The following RAB11FIP3 variants were observed in gnomAD, a reference collection of about 807,000 sequenced individuals.
RAB11FIP3 encodes RAB11 family interacting protein 3, also known as rab11 family-interacting protein 3.
Under a neutral mutation model 77.8 loss-of-function variants are expected in RAB11FIP3, and 17 were observed. That is an observed-to-expected ratio of 0.22 (90% CI 0.15 to 0.33). RAB11FIP3 has a LOEUF of 0.33. Ranked by LOEUF, RAB11FIP3 falls within the 10% of genes least tolerant of loss-of-function variation. RAB11FIP3 has a pLI of 1.00. For synonymous variants in RAB11FIP3, 437 were observed against 448.2 expected (o/e 0.98, Z 0.31); for missense variants, 1,005 against 1,011.2 (o/e 0.99, Z 0.08).
chr16:508,986 C>T (rs1180195655), intron 8 of RAB11FIP3, among the ~76,000 whole-genome samples: 1 of 151,900 alleles, frequency 6.6e-6, no homozygotes, highest in Non-Finnish European at 1.5e-5. Flanking sequence ...TCAGTGCAAC[C>T]TCTGCCTCCT....
intron 5 of RAB11FIP3, among the ~76,000 whole-genome samples, chr16:489,878 G>A (rs1042237208): frequency 1.3e-5 from 2 of 152,216 alleles, no homozygotes; most frequent in Non-Finnish European, 2.9e-5. Flanking sequence ...GACCCTGCAC[G>A]GATATCCTGT....
chr16:481,132 A>C (rs1191076775), intron 3 of RAB11FIP3, among the ~76,000 whole-genome samples: 1 of 144,474 alleles, frequency 6.9e-6, no homozygotes, highest in Non-Finnish European at 1.5e-5. Context: ...TTAATTAATT[A>C]ATTTTTTTGA....
chr16:475,533 G>A (rs1248855015), intron 3 of RAB11FIP3, among the ~76,000 whole-genome samples: 1 of 152,200 alleles, frequency 6.6e-6, no homozygotes, highest in Non-Finnish European at 1.5e-5. Flanking sequence ...TGGAAAGGCA[G>A]GTGATGGCTG....
chr16:478,904 G>A (rs762359148), intron 3 of RAB11FIP3, among the ~76,000 whole-genome samples: 4 of 152,214 alleles, frequency 2.6e-5, no homozygotes, highest in Non-Finnish European at 4.4e-5. Flanking sequence ...GGCAGAGGTT[G>A]CAGTGAGCTG....
At chr16:517,142 T>C (rs2032452141) in intron 9 of RAB11FIP3, among the ~76,000 whole-genome samples, 1 of 152,212 alleles carries the variant, frequency 6.6e-6, no homozygotes, top group African/African-American at 2.4e-5. Context: ...CCCAGTCTAA[T>C]TGCGAGAAAA....
chr16:473,986 G>A (rs542332557), intron 3 of RAB11FIP3, among the ~76,000 whole-genome samples: 17 of 152,232 alleles, frequency 1.1e-4, no homozygotes, highest in South Asian at 6.2e-4. Flanking sequence ...TAGTGAATAC[G>A]CAGTTACCTC....
At chr16:519,527 G>A (rs2032572758) in intron 10 of RAB11FIP3, among the ~76,000 whole-genome samples, 1 of 152,256 alleles carries the variant, frequency 6.6e-6, no homozygotes, top group African/African-American at 2.4e-5. Context: ...TGCCCCTCGT[G>A]AGAAACGGCC....
At chr16:427,217 G>T (rs1166395651) in intron 1 of RAB11FIP3, among the ~76,000 whole-genome samples, 1 of 152,262 alleles carries the variant, frequency 6.6e-6, no homozygotes, top group Admixed American at 6.5e-5. Flanking sequence ...TTACTTTACT[G>T]TGTGTGGTTG....
chr16:496,175 A>G (rs1380115093), intron 5 of RAB11FIP3, among the ~76,000 whole-genome samples: 1 of 152,186 alleles, frequency 6.6e-6, no homozygotes. Flanking sequence ...CCCAGGGGTG[A>G]GGGTGTCTTC....
chr16:433,437 A>G (rs1431399613), intron 1 of RAB11FIP3, among the ~76,000 whole-genome samples: 5 of 151,724 alleles, frequency 3.3e-5, no homozygotes, highest in Admixed American at 1.3e-4. Flanking sequence ...TAGCTCCCAC[A>G]TAAGAGTAAA....
In RAB11FIP3 at chr16:497,298, A is replaced by G. The variant is rs1307219822; in HGVS notation, c.1301+439A>G. ...CCATTTCTTCATTTTCCAGCTTCGT[A>G]TAGATCTGTTGGCTTCCTGCTGTGA... On this transcript the variant is annotated intron_variant, in intron 6 of 13. Transcript: ENST00000262305. The G allele has an allele frequency of 3.1e-6, 4 of 1,304,310 alleles. No individual in the cohort carries two copies. In the East Asian group the frequency reaches 2.2e-4, roughly 72 times the overall value. 80.8% of individuals were successfully genotyped at this position (1,304,310 alleles called of 1,614,324 possible). A position where few individuals can be genotyped will look rare whatever the true frequency, so the allele number is the denominator to read the frequency against.
At chr16:466,207 T>C (rs563705571) in intron 2 of RAB11FIP3, among the ~76,000 whole-genome samples, 2 of 152,246 alleles carry the variant, frequency 1.3e-5, no homozygotes, top group South Asian at 4.1e-4. Context: ...TGGAGATGTG[T>C]TCCCTCGGGA....
chr16:502,717 C>T, intron 6 of RAB11FIP3: 1 of 501,546 alleles, frequency 2.0e-6, no homozygotes, highest in Non-Finnish European at 3.5e-6. Context: ...CACTCGCTGG[C>T]TGGGACTGAG....
At chr16:473,591 C>T (rs992228264) in intron 3 of RAB11FIP3, among the ~76,000 whole-genome samples, 5 of 141,448 alleles carry the variant, frequency 3.5e-5, no homozygotes, top group Admixed American at 7.1e-5. Flanking sequence ...GTAACCACCA[C>T]GCCCAGCTGA....
At position 426,575 on chromosome 16, in the gene RAB11FIP3, C is replaced by T. The variant is rs547222826; in HGVS notation, c.569C>T (p.Thr190Ile). The T allele has an allele frequency of 1.3e-6, 2 of 1,595,982 alleles. No homozygotes were observed. Among genetic ancestry groups the T allele is most frequent in the East Asian group, 2.3e-5 (1 of 43,742 alleles). Reference sequence around the variant, plus strand: ...CCGCAGCCCTCGGACCTCAGCCAGACCCACCCCCTTCCGAGCGAGCCCGTG... The same window carrying T: ...CCGCAGCCCTCGGACCTCAGCCAGATCCACCCCCTTCCGAGCGAGCCCGTG... ...SPPQPSDLSQ[T>I]HPLPSEPVGS... is the part of the protein sequence containing the mutation. Residue 190 changes from threonine (T) to isoleucine (I), a missense_variant, in exon 1 of 14, where the codon ACC (threonine) becomes ATC (isoleucine). Transcript: ENST00000262305. The surrounding 1 kb of genome is among the most constrained non-coding windows in gnomAD (Gnocchi z 5.0).
At chr16:474,978 A>G in intron 3 of RAB11FIP3, 1 of 1,551,540 alleles carries the variant, frequency 6.4e-7, no homozygotes, top group South Asian at 1.2e-5. Flanking sequence ...GTTTGAGAAA[A>G]GCCAGTGACC....
intron 2 of RAB11FIP3, among the ~76,000 whole-genome samples, chr16:468,770 C>T (rs978572394): frequency 1.2e-4 from 19 of 152,236 alleles, no homozygotes; most frequent in African/African-American, 3.4e-4. Context: ...GGGAAACGCA[C>T]GTGAAAAATT....
chr16:448,258 A>G (rs879843349), intron 1 of RAB11FIP3, among the ~76,000 whole-genome samples: 5 of 151,280 alleles, frequency 3.3e-5, no homozygotes, highest in Non-Finnish European at 7.4e-5. Flanking sequence ...CAGAGGTTGC[A>G]GTGAGTCGAG....
At chr16:431,239 AGT>A (rs2055030233) in intron 1 of RAB11FIP3, among the ~76,000 whole-genome samples, 1 of 152,060 alleles carries the variant, frequency 6.6e-6, no homozygotes, top group African/African-American at 2.4e-5. Context: ...TGAGCAGGTG[AGT>A]GTATGTATTC....
Sources: allele counts gnomAD v4.1 joint callset (sites outside exome capture counted in the v4.1 genomes callset), GRCh38; gene constraint gnomAD v4.1.1; non-coding constraint Gnocchi (gnomAD v3.1); transcripts MANE v1.5; gene names NCBI Gene and HGNC (gene_info 2026-07-23, HGNC 2026-07-21).